DEPDC5: variants seen among roughly 807,000 people sequenced by gnomAD.
DEPDC5 encodes the protein DEP domain containing 5, GATOR1 subcomplex subunit.
DEPDC5 carries 73 observed loss-of-function variants against 217.3 expected under a neutral mutation model. The observed-to-expected ratio is 0.34, with a 90% CI of 0.28 to 0.41. DEPDC5 has a LOEUF of 0.41. DEPDC5 is among the 10% of genes least tolerant of loss of function. The probability of loss-of-function intolerance (pLI) is 1.00; values close to 1 mark genes in which losing one functional copy is unlikely to be tolerated. For synonymous variants in DEPDC5, 733 were observed against 756.7 expected, an observed-to-expected ratio of 0.97 and a Z score of 0.51; for missense variants, 1,675 against 2,070.1, an observed-to-expected ratio of 0.81 and a Z score of 3.70.
At chr22:31,868,270 G>A (rs969472518) in intron 33 of DEPDC5, among the ~76,000 whole-genome samples, 1 of 152,010 alleles carries the variant, frequency 6.6e-6, no homozygotes, top group African/African-American at 2.4e-5. Flanking sequence ...CATAATTGGG[G>A]GTTGGGGCTG....
intron 21 of DEPDC5, chr22:31,817,370 A>T: frequency 2.8e-6 from 1 of 352,120 alleles, no homozygotes; most frequent in South Asian, 2.5e-5. Flanking sequence ...TCAGCCTCCC[A>T]AAGTGCTGGG....
chr22:31,805,142 T>G, intron 17 of DEPDC5: 1 of 349,314 alleles, frequency 2.9e-6, no homozygotes. Flanking sequence ...AAGGACTTAC[T>G]TCCTCTGCAG....
intron 7 of DEPDC5, among the ~76,000 whole-genome samples, chr22:31,776,921 A>G (rs1031149889): frequency 3.3e-5 from 5 of 151,798 alleles, no homozygotes; most frequent in African/African-American, 1.2e-4. Flanking sequence ...AGGAAAAAAC[A>G]TCATTCCCAA....
At chr22:31,843,486 C>T (rs146151081) in intron 28 of DEPDC5, among the ~76,000 whole-genome samples, 159 bp from the exon 29 acceptor site, 2 of 152,272 alleles carry the variant, frequency 1.3e-5, no homozygotes, top group Non-Finnish European at 2.9e-5. Context: ...TTAAGAAGAT[C>T]TGAGAAATTT....
chr22:31,811,827 T>C (rs2088382998), intron 20 of DEPDC5, among the ~76,000 whole-genome samples: 1 of 151,988 alleles, frequency 6.6e-6, no homozygotes, highest in Non-Finnish European at 1.5e-5. Context: ...ATTATAGGCA[T>C]GAGCCACTGC....
At chr22:31,806,979 G>A (rs568846808) in intron 18 of DEPDC5, among the ~76,000 whole-genome samples, 48 of 152,268 alleles carry the variant, frequency 3.2e-4, no homozygotes, top group Middle Eastern at 3.4e-3. Flanking sequence ...GCCATTGCAC[G>A]CTAACCTGGG....
At chr22:31,845,497 A>T (rs974422884) in intron 30 of DEPDC5, among the ~76,000 whole-genome samples, 4 of 152,166 alleles carry the variant, frequency 2.6e-5, no homozygotes, top group African/African-American at 9.7e-5. Context: ...GGTGCTCCCC[A>T]AGTGGGACCC....
At chr22:31,786,961 C>T (rs906220212) in intron 10 of DEPDC5, among the ~76,000 whole-genome samples, 2 of 151,874 alleles carry the variant, frequency 1.3e-5, no homozygotes, top group Non-Finnish European at 2.9e-5. Context: ...TGTATTTTTA[C>T]TAGAGACAGG....
intron 33 of DEPDC5, among the ~76,000 whole-genome samples, chr22:31,862,579 A>C (rs1321226423): frequency 1.3e-5 from 2 of 152,232 alleles, no homozygotes; most frequent in African/African-American, 4.8e-5. Flanking sequence ...AAATAATAAT[A>C]ACAAAATAGA....
At chr22:31,879,889 C>T (rs548640837) in intron 38 of DEPDC5, 137 bp downstream of exon 38, 8 of 845,936 alleles carry the variant, frequency 9.5e-6, no homozygotes, top group South Asian at 3.3e-5. Flanking sequence ...CTGTGTCTGT[C>T]GGCACTGTTG....
chr22:31,899,786 C>A lies in DEPDC5; in HGVS notation c.4376-1956C>A, dbSNP rs911159490. Among the ~76,000 whole-genome samples, 6 of 152,308 alleles carry A rather than the reference C, an allele frequency of 3.9e-5. No homozygotes were observed. In the East Asian group the frequency reaches 1.2e-3, roughly 29 times the overall value. On this transcript the variant is annotated intron_variant, in intron 40 of 42. Coordinates refer to ENST00000651528, the MANE Select transcript of DEPDC5 (RefSeq NM_001242896.3). Reference sequence around the variant, plus strand: ...GCAAAACCACCGCAGGCACTCTTGTCTTTGGGATGGCTGTGCAATTACCAC... The same window carrying A: ...GCAAAACCACCGCAGGCACTCTTGTATTTGGGATGGCTGTGCAATTACCAC...
chr22:31,876,064 T>C, intron 36 of DEPDC5, 93 bp from the exon 37 acceptor site: 2 of 1,081,490 alleles, frequency 1.8e-6, no homozygotes, highest in South Asian at 1.3e-5. Context: ...TCCTCAGTGC[T>C]CCTGTCACTC....
At chr22:31,760,810 T>C in intron 4 of DEPDC5, 108 bp downstream of exon 4, 1 of 892,690 alleles carries the variant, frequency 1.1e-6, no homozygotes. Flanking sequence ...TCTCTTCTTT[T>C]TTAAACAAAT....
At chr22:31,888,821 C>T (rs964947243) in intron 38 of DEPDC5, among the ~76,000 whole-genome samples, 3 of 152,232 alleles carry the variant, frequency 2.0e-5, no homozygotes, top group Admixed American at 6.5e-5. Flanking sequence ...GCTAAGATTA[C>T]AGGCGTGAGC....
intron 35 of DEPDC5, chr22:31,874,040 G>A (rs952024635): frequency 9.9e-5 from 45 of 454,168 alleles, no homozygotes; most frequent in Non-Finnish European, 1.6e-4. Flanking sequence ...TAATCCACCC[G>A]CCTCAGCCTC....
chr22:31,812,441 T>TTTTG (rs1166797639), intron 20 of DEPDC5, among the ~76,000 whole-genome samples: 1 of 144,960 alleles, frequency 6.9e-6, no homozygotes, highest in Non-Finnish European at 1.5e-5. Flanking sequence ...TTTTTTTTTT[T>TTTTG]TGAGACAGAG....
At chr22:31,839,748 G>A (rs946215155) in intron 27 of DEPDC5, among the ~76,000 whole-genome samples, 1 of 152,158 alleles carries the variant, frequency 6.6e-6, no homozygotes, top group African/African-American at 2.4e-5. Flanking sequence ...CCTACTGAAT[G>A]TTAACCTTTT....
intron 40 of DEPDC5, among the ~76,000 whole-genome samples, chr22:31,900,192 A>G (rs1233241398): frequency 6.6e-6 from 1 of 151,944 alleles, no homozygotes; most frequent in African/African-American, 2.4e-5. Context: ...GATTACAGGC[A>G]TGTGGAACCA....
chr22:31,879,043 AAT>A (rs1555918454), intron 37 of DEPDC5, among the ~76,000 whole-genome samples: 87 of 119,428 alleles, frequency 7.3e-4, no homozygotes, highest in Middle Eastern at 4.6e-3. Flanking sequence ...AAAAAAAAAA[AAT>A]ATATATATAT....
Sources: gnomAD v4.1 joint callset for allele counts (sites outside exome capture counted in the v4.1 genomes callset) on GRCh38, gnomAD v4.1.1 for gene constraint, MANE v1.5 for transcripts, NCBI Gene and HGNC (gene_info 2026-07-23, HGNC 2026-07-21) for gene names.